The following SPECC1 variants were observed in gnomAD, a reference collection of about 807,000 sequenced individuals.
SPECC1 encodes the protein sperm antigen with calponin homology and coiled-coil domains 1.
Under a neutral mutation model 104.1 loss-of-function variants are expected in SPECC1, and 62 were observed. That is an observed-to-expected ratio of 0.60 (90% CI 0.49 to 0.74). The LOEUF is 0.74. Among genes scored for constraint, SPECC1 ranks in the 30% least tolerant of loss-of-function variants. SPECC1 has a pLI of 0.00. For missense variants in SPECC1, 1,306 were observed against 1,310.5 expected (o/e 1.00, Z 0.05); for synonymous variants, 513 against 501.6 (o/e 1.02, Z -0.30).
At chr17:20,024,623 T>C (rs2044529025) in intron 1 of SPECC1, among the ~76,000 whole-genome samples, 1 of 152,228 alleles carries the variant, frequency 6.6e-6, no homozygotes, top group Non-Finnish European at 1.5e-5. Flanking sequence ...TGGCCAAGTA[T>C]GGCTAGTAGG....
At chr17:20,218,410 A>G (rs1375349777) in intron 4 of SPECC1, among the ~76,000 whole-genome samples, 1 of 152,090 alleles carries the variant, frequency 6.6e-6, no homozygotes, top group Non-Finnish European at 1.5e-5. Flanking sequence ...GTCCTTAGTC[A>G]TCTTGATGCA....
intron 1 of SPECC1, 26 bp from the exon 2 acceptor site, chr17:20,096,605 T>C (rs1372419211): frequency 6.3e-7 from 1 of 1,580,308 alleles, no homozygotes; most frequent in Admixed American, 1.8e-5. Context: ...GATGGAGACA[T>C]GTTTTTCTTT....
At chr17:20,108,970 G>A (rs1193180870) in intron 2 of SPECC1, among the ~76,000 whole-genome samples, 2 of 152,178 alleles carry the variant, frequency 1.3e-5, no homozygotes, top group Non-Finnish European at 2.9e-5. Context: ...CTATTTTCCA[G>A]CCTTAGCGTT....
chr17:20,104,037 T>C (rs925735217), intron 2 of SPECC1, among the ~76,000 whole-genome samples: 1 of 152,192 alleles, frequency 6.6e-6, no homozygotes, highest in African/African-American at 2.4e-5. Flanking sequence ...GTGGCATTTC[T>C]ATGTTTGTGG....
intron 3 of SPECC1, among the ~76,000 whole-genome samples, chr17:20,114,785 A>T (rs2048676857): frequency 6.6e-6 from 1 of 152,228 alleles, no homozygotes; most frequent in Non-Finnish European, 1.5e-5. Flanking sequence ...TTTCTTTGAC[A>T]GTAAAGGGCA....
chr17:20,043,177 AG>A (rs1567809180), intron 1 of SPECC1, among the ~76,000 whole-genome samples: 1 of 152,154 alleles, frequency 6.6e-6, no homozygotes, highest in African/African-American at 2.4e-5. Context: ...TTTGGCGAGA[AG>A]CTGTGTGGGC....
rs2038482999 is a variant in SPECC1, at chr17:20,230,139, A to T, written c.2072-1619A>T. ...AGACATTGGCAGATACGTCTATATA[A>T]TGCAAATGGCATTTTAGTTGATGAG... On this transcript the variant is annotated intron_variant, in intron 5 of 14. Coordinates refer to ENST00000395527, the MANE Select transcript of SPECC1 (RefSeq NM_001243439.2). 2.0e-5 allele frequency among the ~76,000 whole-genome samples: 3 copies of T among 152,234 alleles called. No individual in the cohort carries two copies. In the South Asian group the frequency reaches 6.2e-4, roughly 32 times the overall value.
At chr17:20,040,172 CATATACACACAT>C (rs2045265833) in intron 1 of SPECC1, among the ~76,000 whole-genome samples, 1 of 151,896 alleles carries the variant, frequency 6.6e-6, no homozygotes, top group Non-Finnish European at 1.5e-5. Context: ...TATACACACA[CATATACACACAT>C]ATATTTATAT....
At chr17:20,092,222 G>T (rs1201318848) in intron 1 of SPECC1, among the ~76,000 whole-genome samples, 1 of 150,816 alleles carries the variant, frequency 6.6e-6, no homozygotes, top group African/African-American at 2.5e-5. Context: ...CCCCACCATG[G>T]GTGTGGGGTC....
intron 4 of SPECC1, among the ~76,000 whole-genome samples, chr17:20,226,600 G>A (rs2038221532): frequency 6.6e-6 from 1 of 152,198 alleles, no homozygotes; most frequent in Non-Finnish European, 1.5e-5. Context: ...TTTTGCAAAT[G>A]TGACAACATT....
At chr17:20,269,977 A>G (rs913069197) in intron 12 of SPECC1, among the ~76,000 whole-genome samples, 13 of 152,176 alleles carry the variant, frequency 8.5e-5, no homozygotes, top group Non-Finnish European at 1.9e-4. Flanking sequence ...TGTTCCCTGA[A>G]GACGTGTTGC....
rs2042004514 is a variant in SPECC1, at chr17:20,314,268, C to T, written c.*203C>T. 5.0e-6 allele frequency: 3 copies of T among 595,420 alleles called. No homozygotes were observed. The highest frequency in any genetic ancestry group is 2.8e-5 in the East Asian group (1 of 35,544). 36.9% of individuals were successfully genotyped at this position (595,420 alleles called of 1,614,324 possible). A position where few individuals can be genotyped will look rare whatever the true frequency, so the allele number is the denominator to read the frequency against. On this transcript the variant is annotated 3_prime_UTR_variant, in exon 15 of 15. Coordinates refer to ENST00000395527, the MANE Select transcript of SPECC1 (RefSeq NM_001243439.2). Reference sequence around the variant, plus strand: ...TGTCTGAAATGCAAATGCAGCTGGACTGTAAATTGGGGACTCTTTGATCTC... The same window carrying T: ...TGTCTGAAATGCAAATGCAGCTGGATTGTAAATTGGGGACTCTTTGATCTC...
chr17:20,190,927 A>G (rs2151281800), intron 3 of SPECC1, among the ~76,000 whole-genome samples: 1 of 152,210 alleles, frequency 6.6e-6, no homozygotes, highest in African/African-American at 2.4e-5. Context: ...TAGCAAGCAA[A>G]AGGACCATAG....
chr17:20,290,036 T>C (rs945409769), intron 12 of SPECC1, among the ~76,000 whole-genome samples: 1 of 152,172 alleles, frequency 6.6e-6, no homozygotes, highest in African/African-American at 2.4e-5. Context: ...TCCTTTTTCC[T>C]GTGTTGTTTC....
intron 1 of SPECC1, among the ~76,000 whole-genome samples, chr17:20,063,648 C>G (rs1047947486): frequency 1.3e-5 from 2 of 152,182 alleles, no homozygotes; most frequent in African/African-American, 4.8e-5. Flanking sequence ...GTCAGGAAAA[C>G]AATTGTTGGC....
At chr17:20,081,567 T>C (rs1012091542) in intron 1 of SPECC1, among the ~76,000 whole-genome samples, 2 of 151,872 alleles carry the variant, frequency 1.3e-5, no homozygotes, top group South Asian at 2.1e-4. Flanking sequence ...CTGACCTACA[T>C]TGCTAAAGGA....
chr17:20,167,541 A>G (rs530157016), intron 3 of SPECC1, among the ~76,000 whole-genome samples: 1 of 152,100 alleles, frequency 6.6e-6, no homozygotes, highest in Non-Finnish European at 1.5e-5. Flanking sequence ...AGACGGGCAT[A>G]GTGGTGCATG....
chr17:20,087,097 G>C (rs1373593192), intron 1 of SPECC1: 2 of 152,102 alleles, frequency 1.3e-5, no homozygotes, highest in Non-Finnish European at 2.9e-5. Context: ...TAAGTCTATG[G>C]TTACCATCAG....
chr17:20,186,313 T>A (rs1271857521), intron 3 of SPECC1, among the ~76,000 whole-genome samples: 1 of 152,006 alleles, frequency 6.6e-6, no homozygotes, highest in African/African-American at 2.4e-5. Flanking sequence ...TGCAATAGCA[T>A]TACATCTTAA....
Sources: allele counts gnomAD v4.1 joint callset (sites outside exome capture counted in the v4.1 genomes callset), GRCh38; gene constraint gnomAD v4.1.1; transcripts MANE v1.5; gene names NCBI Gene and HGNC (gene_info 2026-07-23, HGNC 2026-07-21).